The following DOK6 variants were observed in gnomAD, a reference collection of about 807,000 sequenced individuals.
The protein encoded by DOK6 is docking protein 6.
A neutral mutation model predicts 44.0 loss-of-function variants in DOK6; 22 were observed. The ratio of observed to expected loss-of-function variants is 0.50; its 90% CI spans 0.36 to 0.71. DOK6 has a LOEUF of 0.71. Among genes scored for constraint, DOK6 ranks in the 30% least tolerant of loss-of-function variants. DOK6 has a pLI of 0.00. For missense variants in DOK6, 340 were observed against 416.4 expected, an observed-to-expected ratio of 0.82 and a Z score of 1.60; for synonymous variants, 166 against 145.5, an observed-to-expected ratio of 1.14 and a Z score of -1.01.
chr18:69,810,595 A>G (rs923556497), intron 7 of DOK6, among the ~76,000 whole-genome samples: 1 of 152,040 alleles, frequency 6.6e-6, no homozygotes, highest in East Asian at 1.9e-4. Context: ...TCCAAAGTAT[A>G]TAAGGAACTC....
intron 5 of DOK6, among the ~76,000 whole-genome samples, chr18:69,722,725 A>G (rs752102269): frequency 2.0e-5 from 3 of 152,246 alleles, no homozygotes; most frequent in Non-Finnish European, 2.9e-5. Context: ...TTAACAGCAA[A>G]ATACTTCATA....
At chr18:69,674,126 G>A (rs12953438) in intron 3 of DOK6, among the ~76,000 whole-genome samples, 98,643 of 152,096 alleles carry the variant, frequency 0.65, 32,228 homozygotes, top group East Asian at 0.87. Flanking sequence ...AACATGCAAT[G>A]AAAGATTAAA....
At chr18:69,622,037 G>A (rs1191111211) in intron 3 of DOK6, among the ~76,000 whole-genome samples, 1 of 152,158 alleles carries the variant, frequency 6.6e-6, no homozygotes, top group Non-Finnish European at 1.5e-5. Flanking sequence ...CAGATTTTAT[G>A]TTAATTTCCC....
At chr18:69,653,427 C>A (rs1202794274) in intron 3 of DOK6, among the ~76,000 whole-genome samples, 1 of 152,058 alleles carries the variant, frequency 6.6e-6, no homozygotes, top group Non-Finnish European at 1.5e-5. Flanking sequence ...CTCTGTGTTG[C>A]TTCCCGAGGT....
chr18:69,638,534 G>A (rs1347362602), intron 3 of DOK6, among the ~76,000 whole-genome samples: 2 of 151,516 alleles, frequency 1.3e-5, no homozygotes, highest in African/African-American at 2.4e-5. Flanking sequence ...TTATTTCCAG[G>A]CTGAAGTATT....
intron 1 of DOK6, among the ~76,000 whole-genome samples, chr18:69,510,698 T>A (rs1791448016): frequency 6.6e-6 from 1 of 152,194 alleles, no homozygotes; most frequent in Non-Finnish European, 1.5e-5. Context: ...ATCTTATGAT[T>A]CTGAACTGCT....
At position 69,844,898 on chromosome 18, in the gene DOK6, T is replaced by C. The variant is rs1982313166; in HGVS notation, c.*3515T>C. The C allele has an allele frequency of 6.6e-6, 1 of 152,238 alleles. No homozygotes were observed. Among genetic ancestry groups the C allele is most frequent in the South Asian group, 2.1e-4 (1 of 4,838 alleles). 9.4% of individuals were successfully genotyped at this position (152,238 alleles called of 1,614,324 possible). ...GGAAATTATGTTTGAAAATCTTTCA[T>C]CACCTATAAAATGGTGAGCCTCTTG... On this transcript the variant is annotated 3_prime_UTR_variant, in exon 8 of 8. Coordinates refer to ENST00000382713, the MANE Select transcript of DOK6 (RefSeq NM_152721.6).
chr18:69,651,066 G>A (rs1465116187), intron 3 of DOK6, among the ~76,000 whole-genome samples: 1 of 152,114 alleles, frequency 6.6e-6, no homozygotes, highest in Non-Finnish European at 1.5e-5. Flanking sequence ...CATATTGTTG[G>A]TAAGCAAAAG....
intron 6 of DOK6, among the ~76,000 whole-genome samples, chr18:69,755,950 C>T (rs2144752869): frequency 6.6e-6 from 1 of 152,364 alleles, no homozygotes; most frequent in South Asian, 2.1e-4. Flanking sequence ...CACAAGGCCA[C>T]CACACAGGAC....
chr18:69,547,953 A>AAT (rs36075931), intron 1 of DOK6, among the ~76,000 whole-genome samples: 26,167 of 145,036 alleles, frequency 0.18, 3,430 homozygotes, highest in Middle Eastern at 0.34. Flanking sequence ...ATATATATAA[A>AAT]ATATATATAT....
intron 3 of DOK6, among the ~76,000 whole-genome samples, chr18:69,631,470 A>G (rs1326784839): frequency 1.3e-5 from 2 of 152,320 alleles, no homozygotes; most frequent in East Asian, 3.9e-4. Flanking sequence ...TGAAACTCCA[A>G]CTTTACCCAT....
At chr18:69,411,465 T>C (rs1978305658) in intron 1 of DOK6, among the ~76,000 whole-genome samples, 1 of 152,152 alleles carries the variant, frequency 6.6e-6, no homozygotes. Context: ...CTAGCCAGGA[T>C]GGAGAACCAT....
rs140051388 is a variant in DOK6, at chr18:69,620,592, C to T, written c.289+21094C>T. 8.8e-3 allele frequency among the ~76,000 whole-genome samples: 1,333 copies of T among 152,200 alleles called. 12 individuals are homozygous for T. The highest frequency in any genetic ancestry group is 0.014 in the Non-Finnish European group (979 of 68,012). The stretch of plus-strand genomic sequence containing the variant: ...CTCTCTACACCTCTGATTCCCCTTA[C>T]GTGAATGGGGCCATAGCAATCCCAC... On this transcript the variant is annotated intron_variant, in intron 3 of 7. Coordinates refer to ENST00000382713, the MANE Select transcript of DOK6 (RefSeq NM_152721.6).
intron 4 of DOK6, among the ~76,000 whole-genome samples, chr18:69,697,006 A>G (rs1986403491): frequency 6.6e-6 from 1 of 152,244 alleles, no homozygotes; most frequent in African/African-American, 2.4e-5. Context: ...TCATGGGTCA[A>G]TAATCTAAAA....
chr18:69,627,113 C>T (rs1984574577), intron 3 of DOK6, among the ~76,000 whole-genome samples: 1 of 152,176 alleles, frequency 6.6e-6, no homozygotes, highest in African/African-American at 2.4e-5. Flanking sequence ...CCTGCCGAGT[C>T]ATGGCCTGAT....
chr18:69,601,628 C>T (rs559756744), intron 3 of DOK6, among the ~76,000 whole-genome samples: 90 of 152,232 alleles, frequency 5.9e-4, no homozygotes, highest in African/African-American at 1.9e-3. Context: ...TCTGTGCAAA[C>T]AAAACATTCT....
chr18:69,629,156 T>G (rs1481461597), intron 3 of DOK6, among the ~76,000 whole-genome samples: 1 of 152,228 alleles, frequency 6.6e-6, no homozygotes, highest in Admixed American at 6.5e-5. Flanking sequence ...TGGCAGCTGT[T>G]CTGAGAGAGT....
intron 1 of DOK6, among the ~76,000 whole-genome samples, chr18:69,430,300 A>G (rs886355615): frequency 2.0e-4 from 30 of 152,204 alleles, no homozygotes; most frequent in Non-Finnish European, 1.6e-4. Flanking sequence ...ACTGTAGTTA[A>G]TGACAAGGAA....
intron 4 of DOK6, among the ~76,000 whole-genome samples, chr18:69,685,461 A>T (rs1352799191): frequency 2.6e-5 from 4 of 152,224 alleles, no homozygotes; most frequent in African/African-American, 7.2e-5. Flanking sequence ...ACTAAATAAG[A>T]TATGACTTGG....
Sources: allele counts gnomAD v4.1 joint callset (sites outside exome capture counted in the v4.1 genomes callset), GRCh38; gene constraint gnomAD v4.1.1; transcripts MANE v1.5; gene names NCBI Gene and HGNC (gene_info 2026-07-23, HGNC 2026-07-21).